PIK3C2A: variants seen among roughly 807,000 people sequenced by gnomAD.
PIK3C2A encodes phosphatidylinositol 4-phosphate 3-kinase C2 domain-containing subunit alpha.
In PIK3C2A, 97 loss-of-function variants were observed where a neutral mutation model predicts 204.5. That is an observed-to-expected ratio of 0.47 (90% confidence interval 0.40 to 0.56). PIK3C2A has a LOEUF of 0.56. Ranked by LOEUF, PIK3C2A falls within the 20% of genes least tolerant of loss-of-function variation. The pLI is 0.00. For missense variants in PIK3C2A, 1,735 were observed against 1,969.2 expected (o/e 0.88, Z 2.25); for synonymous variants, 653 against 664.4 (o/e 0.98, Z 0.26).
intron 1 of PIK3C2A, among the ~76,000 whole-genome samples, chr11:17,184,833 C>T (rs1327927827): frequency 6.6e-6 from 1 of 152,102 alleles, no homozygotes; most frequent in Non-Finnish European, 1.5e-5. Flanking sequence ...TTCCTAGCTA[C>T]TCAGGAGGCT....
At chr11:17,189,856 A>G (rs1443837671) in intron 1 of PIK3C2A, among the ~76,000 whole-genome samples, 1 of 151,862 alleles carries the variant, frequency 6.6e-6, no homozygotes, top group African/African-American at 2.4e-5. Flanking sequence ...TATAAAATAA[A>G]AGATTATGAG....
At chr11:17,091,499 C>T in intron 31 of PIK3C2A, 40 bp from the exon 32 acceptor site, 17 of 1,609,636 alleles carry the variant, frequency 1.1e-5, no homozygotes, top group Middle Eastern at 1.7e-4. Context: ...ATGCTTCCTA[C>T]CAAGGTAAGG....
intron 6 of PIK3C2A, among the ~76,000 whole-genome samples, chr11:17,147,279 C>T (rs1465334995): frequency 6.6e-6 from 1 of 152,118 alleles, no homozygotes; most frequent in East Asian, 1.9e-4. Context: ...TATTACCAAC[C>T]AAATTTTAAT....
chr11:17,100,035 T>C (rs1848571839), intron 25 of PIK3C2A, 66 bp from the exon 26 acceptor site: 4 of 769,074 alleles, frequency 5.2e-6, no homozygotes, highest in Non-Finnish European at 9.2e-6. Flanking sequence ...CACTCCTTCC[T>C]GTGGGCTGCT....
intron 1 of PIK3C2A, among the ~76,000 whole-genome samples, chr11:17,178,092 C>CAAAAAAAAAAAAAAAAAAA (rs750346823): frequency 1.6e-5 from 1 of 64,136 alleles, no homozygotes; most frequent in Non-Finnish European, 2.6e-5. Context: ...GACTCCATCT[C>CAAAAAAAAAAAAAAAAAAA]AAAAAAAAAA....
intron 18 of PIK3C2A, 47 bp from the exon 19 acceptor site, chr11:17,117,718 T>G (rs774542002): frequency 1.2e-5 from 14 of 1,186,156 alleles, no homozygotes; most frequent in Non-Finnish European, 1.4e-5. Context: ...GTTTTTTTTT[T>G]TTTTTTTTTT....
intron 1 of PIK3C2A, among the ~76,000 whole-genome samples, chr11:17,203,963 A>G (rs542716355): frequency 8.5e-5 from 13 of 152,128 alleles, no homozygotes; most frequent in Non-Finnish European, 1.5e-4. Context: ...AGTCCCAGCT[A>G]CTCGGGAGGC....
chr11:17,117,490 C>T lies in PIK3C2A; in HGVS notation c.3216+1G>A. 6.2e-7 allele frequency: 1 copy of T among 1,603,900 alleles called. No homozygotes were observed. The highest frequency in any genetic ancestry group is 8.5e-7 in the Non-Finnish European group (1 of 1,171,284). On this transcript the variant is annotated splice_donor_variant, in intron 19 of 32. Transcript: ENST00000691414. LOFTEE classifies it high-confidence loss of function. The stretch of plus-strand genomic sequence containing the variant: ...TTATATTACCTTTTATGGGTACATA[C>T]CTGTCTGGCTGATCCACTAGCCTGC...
chr11:17,158,556 T>C (rs1202485968), intron 2 of PIK3C2A, among the ~76,000 whole-genome samples: 4 of 151,928 alleles, frequency 2.6e-5, no homozygotes, highest in African/African-American at 9.7e-5. Context: ...ACCCAGGCAG[T>C]CTGGCTTCAA....
Position 17,169,114 on chromosome 11 carries a change from C to T in PIK3C2A, c.628G>A (p.Gly210Arg), listed in dbSNP as rs773084605. Residue 210 changes from glycine (G) to arginine (R), a missense_variant, in exon 2 of 33, where the codon GGA becomes AGA. By Grantham distance (125) the Gly-to-Arg change is moderately radical (BLOSUM62 -2). Coordinates refer to ENST00000691414, the MANE Select transcript of PIK3C2A (RefSeq NM_002645.4). Reference protein sequence around the residue: ...LTPATPFHPQGSLPIYRPVVS... With the variant: ...LTPATPFHPQRSLPIYRPVVS... ...ACTGGACGATAGATAGGTAAGCTTC[C>T]TTGTGGATGAAAGGGTGTGGCAGGT... is the stretch of plus-strand genomic sequence containing the variant. The T allele has an allele frequency of 5.6e-6, 9 of 1,614,128 alleles. No homozygotes were observed. In the South Asian group the frequency reaches 9.9e-5, roughly 18 times the overall value.
chr11:17,168,459 T>C (rs1370117857), intron 2 of PIK3C2A, among the ~76,000 whole-genome samples: 1 of 151,990 alleles, frequency 6.6e-6, no homozygotes, highest in African/African-American at 2.4e-5. Context: ...CGGGTGCCTG[T>C]AGTCCCAGCC....
At chr11:17,107,205 C>T (rs1006254678) in intron 22 of PIK3C2A, among the ~76,000 whole-genome samples, 5 of 151,996 alleles carry the variant, frequency 3.3e-5, no homozygotes, top group African/African-American at 9.7e-5. Context: ...CCCAGCTACT[C>T]GGGAGGCTAA....
intron 1 of PIK3C2A, chr11:17,204,172 T>C (rs1259552409): frequency 6.6e-6 from 1 of 152,222 alleles, no homozygotes; most frequent in Non-Finnish European, 1.5e-5. Context: ...ATCTATACTG[T>C]CCAATATGGC....
At chr11:17,094,415 A>C in intron 27 of PIK3C2A, 30 bp from the exon 28 acceptor site, 1 of 1,584,828 alleles carries the variant, frequency 6.3e-7, no homozygotes, top group South Asian at 1.1e-5. Flanking sequence ...CAAACACATA[A>C]AATTTATATT....
chr11:17,109,372 TGAATAA>T (rs1387268449), intron 22 of PIK3C2A, among the ~76,000 whole-genome samples: 1 of 152,232 alleles, frequency 6.6e-6, no homozygotes, highest in African/African-American at 2.4e-5. Context: ...AAACATTTGT[TGAATAA>T]GAATAATGAT....
chr11:17,092,028 T>A lies in PIK3C2A; in HGVS notation c.4610A>T (p.Asp1537Val), dbSNP rs765187812. 6 of 1,611,848 alleles carry A rather than the reference T, an allele frequency of 3.7e-6. No homozygotes were observed. The South Asian group carries it at 6.6e-5, about 18-fold the overall frequency. The change falls in exon 30 of 33, where the codon GAT becomes GTT. Residue 1537 changes from aspartate to valine, a missense_variant. Coordinates refer to ENST00000691414, the MANE Select transcript of PIK3C2A (RefSeq NM_002645.4). Reference protein sequence around the residue: ...VCTFFHPLLRDEKAEGIARSA... With the variant: ...VCTFFHPLLRVEKAEGIARSA... ...CCTAGCTATCCCTTCAGCTTTCTCA[T>A]CACGAAGTAAAGGGTGGAAGAAAGT...
Position 17,117,580 on chromosome 11 carries a change from T to C in PIK3C2A, c.3127A>G (p.Arg1043Gly), listed in dbSNP as rs144255421. ...ALLSVGGKRLREELLKQTKLV... is the reference protein window; with the variant it reads ...ALLSVGGKRLGEELLKQTKLV... ...TTCGTCTGTTTTAGAAGTTCTTCTC[T>C]AAGTCGTTTTCCTCCTACTGACAGG... The change falls in exon 19 of 33, where the codon AGA (arginine) becomes GGA (glycine). Residue 1043 changes from arginine to glycine, a missense_variant. Arg to Gly is a moderately radical substitution (Grantham distance 125, BLOSUM62 -2). This residue lies in a region of PIK3C2A where 567 missense variants were observed against 576.0 expected (regional missense o/e 0.98). Transcript: ENST00000691414. 1 of 1,613,438 alleles carries C rather than the reference T, an allele frequency of 6.2e-7. No homozygotes were observed. The highest frequency in any genetic ancestry group is 8.5e-7 in the Non-Finnish European group (1 of 1,179,474).
intron 1 of PIK3C2A, among the ~76,000 whole-genome samples, chr11:17,191,464 G>A (rs1404011100): frequency 6.6e-6 from 1 of 152,200 alleles, no homozygotes; most frequent in Non-Finnish European, 1.5e-5. Flanking sequence ...GATGGCAACA[G>A]TCCATGCATA....
rs191291963 is a variant in PIK3C2A, at chr11:17,168,546, A to G, written c.1065+131T>C. The stretch of plus-strand genomic sequence containing the variant: ...CAGTGAGCCGAAATCACGCCACTGC[A>G]CTCCAGCCTGGGCGACAGAGCGAGA... On this transcript the variant is annotated intron_variant, in intron 2 of 32. Coordinates refer to ENST00000691414, the MANE Select transcript of PIK3C2A (RefSeq NM_002645.4). 588 of 656,388 alleles carry G rather than the reference A, an allele frequency of 9.0e-4. 6 individuals carry two copies. In the East Asian group the frequency reaches 0.014, roughly 16 times the overall value. 40.7% of individuals were successfully genotyped at this position (656,388 alleles called of 1,614,324 possible). A position where few individuals can be genotyped will look rare whatever the true frequency, so the allele number is the denominator to read the frequency against.
Sources: gnomAD v4.1 joint callset for allele counts (sites outside exome capture counted in the v4.1 genomes callset) on GRCh38, gnomAD v4.1.1 for gene constraint, gnomAD v4.1.1 regional missense constraint, MANE v1.5 for transcripts, NCBI Gene and HGNC (gene_info 2026-07-23, HGNC 2026-07-21) for gene names.